GAS2: variants seen among roughly 807,000 people sequenced by gnomAD.
GAS2 encodes growth arrest specific 2.
A neutral mutation model predicts 37.5 loss-of-function variants in GAS2; 20 were observed. The ratio of observed to expected loss-of-function variants is 0.53; its 90% CI spans 0.37 to 0.77. The LOEUF (loss-of-function observed/expected upper bound fraction) is 0.77. GAS2 is among the 30% of genes least tolerant of loss of function. The pLI, the probability that GAS2 is intolerant of heterozygous loss-of-function variation, is 0.00. For synonymous variants in GAS2, 144 were observed against 132.2 expected (o/e 1.09, Z -0.61); for missense variants, 336 against 373.4 (o/e 0.90, Z 0.82).
upstream of GAS2, among the ~76,000 whole-genome samples, chr11:22,664,009 A>T (rs889476394): frequency 1.3e-5 from 2 of 152,124 alleles, no homozygotes; most frequent in African/African-American, 4.8e-5. Flanking sequence ...GTCTTCATGT[A>T]TTTTTTAATA....
At chr11:22,780,158 T>A (rs1855480024) in intron 7 of GAS2, among the ~76,000 whole-genome samples, 1 of 152,134 alleles carries the variant, frequency 6.6e-6, no homozygotes, top group South Asian at 2.1e-4. Flanking sequence ...TTTGGGAAGT[T>A]GGGGAACTCT....
intron 3 of GAS2, among the ~76,000 whole-genome samples, chr11:22,711,379 G>T (rs1305221044): frequency 2.6e-5 from 4 of 152,302 alleles, no homozygotes; most frequent in African/African-American, 9.6e-5. Flanking sequence ...AGGTCCTTGG[G>T]GAAAGGAAAG....
chr11:22,668,573 C>T (rs546439945), intron 1 of GAS2, among the ~76,000 whole-genome samples: 1 of 152,206 alleles, frequency 6.6e-6, no homozygotes, highest in Non-Finnish European at 1.5e-5. Context: ...TCACCAGGTG[C>T]AAAAGGTCAT....
chr11:22,645,376 C>T (rs1271618524), intron 1 of GAS2, among the ~76,000 whole-genome samples: 2 of 151,926 alleles, frequency 1.3e-5, no homozygotes, highest in African/African-American at 4.8e-5. Flanking sequence ...GGTGTGGTAG[C>T]ATGCGCCTGT....
At chr11:22,677,822 A>G (rs1030837534) in intron 2 of GAS2, among the ~76,000 whole-genome samples, 1 of 152,156 alleles carries the variant, frequency 6.6e-6, no homozygotes, top group Admixed American at 6.6e-5. Flanking sequence ...CTCAACCATA[A>G]AATGAAGGGG....
chr11:22,669,664 C>A (rs1849125241), intron 1 of GAS2, among the ~76,000 whole-genome samples: 1 of 152,132 alleles, frequency 6.6e-6, no homozygotes, highest in Non-Finnish European at 1.5e-5. Flanking sequence ...AGGCTACCAA[C>A]CCCTTATTAA....
chr11:22,646,662 A>G (rs1848698725), intron 1 of GAS2, among the ~76,000 whole-genome samples: 1 of 152,246 alleles, frequency 6.6e-6, no homozygotes, highest in African/African-American at 2.4e-5. Flanking sequence ...AGAGAGCCAT[A>G]TGACATTTGC....
chr11:22,766,331 CA>C (rs1484952257), intron 7 of GAS2, among the ~76,000 whole-genome samples: 4 of 151,374 alleles, frequency 2.6e-5, no homozygotes, highest in Non-Finnish European at 5.9e-5. Flanking sequence ...TGTTAGAGAG[CA>C]AATTGCTTGT....
intron 5 of GAS2, among the ~76,000 whole-genome samples, chr11:22,745,160 G>A (rs138850527): frequency 3.0e-4 from 41 of 134,594 alleles, no homozygotes; most frequent in African/African-American, 1.1e-3. Flanking sequence ...AATAGCAAAA[G>A]CAATTCTAAG....
At chr11:22,737,791 T>C in intron 5 of GAS2, 23 bp downstream of exon 5, 1 of 1,608,270 alleles carries the variant, frequency 6.2e-7, no homozygotes, top group Non-Finnish European at 8.5e-7. Context: ...ACTGCAACTA[T>C]GTCAAGACAT....
intron 3 of GAS2, among the ~76,000 whole-genome samples, chr11:22,694,508 G>A (rs551524272): frequency 1.3e-5 from 2 of 152,234 alleles, no homozygotes; most frequent in East Asian, 3.9e-4. Context: ...AGCCACTTGG[G>A]TCCCACTGAG....
chr11:22,798,149 A>G (rs1193729984), intron 7 of GAS2, among the ~76,000 whole-genome samples: 3 of 152,104 alleles, frequency 2.0e-5, no homozygotes, highest in Non-Finnish European at 2.9e-5. Context: ...AAATATGAAC[A>G]TAATGCAAAC....
intron 1 of GAS2, among the ~76,000 whole-genome samples, chr11:22,669,089 G>A (rs912330381): frequency 6.6e-6 from 1 of 152,144 alleles, no homozygotes; most frequent in Non-Finnish European, 1.5e-5. Context: ...GTGAGACCAT[G>A]TCACATATGT....
chr11:22,667,202 C>T (rs181713703), intron 1 of GAS2: 1 of 152,278 alleles, frequency 6.6e-6, no homozygotes, highest in East Asian at 1.9e-4. Flanking sequence ...CACGTAAGCC[C>T]GCTGGGGTGG....
At chr11:22,790,125 A>C (rs1856071268) in intron 7 of GAS2, among the ~76,000 whole-genome samples, 1 of 151,036 alleles carries the variant, frequency 6.6e-6, no homozygotes, top group Non-Finnish European at 1.5e-5. Context: ...CCATCTGTGA[A>C]TCAGCAGTGC....
At chr11:22,755,608 A>G (rs1853986337) in intron 6 of GAS2, 1 of 359,304 alleles carries the variant, frequency 2.8e-6, no homozygotes, top group Non-Finnish European at 5.1e-6. Context: ...ATCCTCCAGC[A>G]TCATCACTGT....
chr11:22,755,709 C>A, intron 6 of GAS2, 137 bp from the exon 7 acceptor site: 1 of 598,924 alleles, frequency 1.7e-6, no homozygotes, highest in Non-Finnish European at 2.9e-6. Context: ...TGTGATATTC[C>A]TATGCTCACA....
chr11:22,728,652 G>T (rs1241989430), intron 4 of GAS2, among the ~76,000 whole-genome samples: 1 of 151,658 alleles, frequency 6.6e-6, no homozygotes, highest in South Asian at 2.1e-4. Context: ...TTTTCCAGTT[G>T]CTGCTTAATG....
intron 2 of GAS2, among the ~76,000 whole-genome samples, chr11:22,681,783 G>A (rs1016514292): frequency 3.9e-5 from 6 of 152,076 alleles, no homozygotes; most frequent in African/African-American, 9.6e-5. Flanking sequence ...TTTCTACACA[G>A]CCTGTTCTTA....
Sources: gnomAD v4.1 joint callset for allele counts (sites outside exome capture counted in the v4.1 genomes callset) on GRCh38, gnomAD v4.1.1 for gene constraint, MANE v1.5 for transcripts, NCBI Gene and HGNC (gene_info 2026-07-23, HGNC 2026-07-21) for gene names.